The following KLF12 variants were observed in gnomAD, a reference collection of about 807,000 sequenced individuals.
The protein encoded by KLF12 is Krueppel-like factor 12.
Under a neutral mutation model 37.8 loss-of-function variants are expected in KLF12, and 9 were observed. The ratio of observed to expected loss-of-function variants is 0.24; its 90% CI spans 0.14 to 0.42. The LOEUF is 0.42. Ranked by LOEUF, KLF12 falls within the 10% of genes least tolerant of loss-of-function variation. KLF12 has a pLI of 1.00. For missense variants in KLF12, 411 were observed against 516.0 expected, an observed-to-expected ratio of 0.80 and a Z score of 1.97; for synonymous variants, 208 against 202.1, an observed-to-expected ratio of 1.03 and a Z score of -0.25.
intron 5 of KLF12, among the ~76,000 whole-genome samples, chr13:73,783,655 T>C (rs537689037): frequency 6.6e-6 from 1 of 152,306 alleles, no homozygotes; most frequent in Admixed American, 6.5e-5. Context: ...ATTTTACTAA[T>C]GTGAATTGCT....
the KLF12 span, among the ~76,000 whole-genome samples, chr13:74,192,544 G>A: frequency 3.5e-4 from 53 of 152,348 alleles, no homozygotes; most frequent in African/African-American, 1.3e-3. Context: ...TTCACATAGT[G>A]TGAGATGTGA....
At chr13:73,710,378 C>G (rs1359713684) in intron 7 of KLF12, among the ~76,000 whole-genome samples, 1 of 143,896 alleles carries the variant, frequency 6.9e-6, no homozygotes, top group African/African-American at 2.6e-5. Context: ...AAGATATTGT[C>G]TGTGTGTGTG....
At chr13:73,968,243 C>T (rs1296716860) in intron 2 of KLF12, among the ~76,000 whole-genome samples, 1 of 152,116 alleles carries the variant, frequency 6.6e-6, no homozygotes, top group Admixed American at 6.5e-5. Context: ...AATAAGTCAG[C>T]TAAATTTGCA....
the KLF12 span, among the ~76,000 whole-genome samples, chr13:74,145,215 T>G: frequency 1.4e-4 from 21 of 152,316 alleles, 2 homozygotes; most frequent in Admixed American, 1.2e-3. Context: ...GACCGTCGTA[T>G]CTTATGGAAC....
At chr13:74,125,402 C>T (rs1474409090) in intron 1 of KLF12, among the ~76,000 whole-genome samples, 2 of 152,128 alleles carry the variant, frequency 1.3e-5, no homozygotes, top group African/African-American at 4.8e-5. Flanking sequence ...TCTTACCCCA[C>T]CCTCCTTGAT....
chr13:73,904,469 CTTTTTTTTTTTT>C (rs11342071), intron 3 of KLF12, among the ~76,000 whole-genome samples: 1 of 91,996 alleles, frequency 1.1e-5, no homozygotes, highest in Admixed American at 1.2e-4. Context: ...TCTTTCTTTC[CTTTTTTTTTTTT>C]TTTTTTTTTT....
rs184250502 is a variant in KLF12, at chr13:73,742,287, G to T, written c.869+22651C>A. Among the ~76,000 whole-genome samples the T allele has an allele frequency of 2.1e-3, 321 of 152,274 alleles. 3 individuals carry two copies. The highest frequency in any genetic ancestry group is 0.013 in the South Asian group (65 of 4,826). ...TTTTTACTTAGGAAAGCAGAAAATT[G>T]TAAGAACTGAACCAAGTCTCTGAAA... On this transcript the variant is annotated intron_variant, in intron 6 of 7. Coordinates refer to ENST00000377669, the MANE Select transcript of KLF12 (RefSeq NM_007249.5).
the KLF12 span, among the ~76,000 whole-genome samples, chr13:74,198,254 C>T: frequency 1.3e-5 from 2 of 152,022 alleles, no homozygotes; most frequent in Non-Finnish European, 1.5e-5. Context: ...AGGCTAAAAC[C>T]CTGGGGTATG....
intron 7 of KLF12, among the ~76,000 whole-genome samples, chr13:73,697,612 G>A (rs1215324734): frequency 3.3e-5 from 5 of 152,134 alleles, no homozygotes; most frequent in Non-Finnish European, 7.4e-5. Context: ...TTTATACTAT[G>A]AGCATAGTTG....
intron 2 of KLF12, among the ~76,000 whole-genome samples, chr13:73,989,975 G>A (rs1157755321): frequency 2.5e-5 from 2 of 80,422 alleles, no homozygotes; most frequent in Non-Finnish European, 7.1e-5. Flanking sequence ...AAGTACAAGG[G>A]TTCACGTAAT....
Position 73,944,049 on chromosome 13 carries a change from T to C in KLF12, c.55A>G (p.Arg19Gly), listed in dbSNP as rs759947614. ...GGCATCCCATCAAGCATTAACATTCTGTTCTCAAAGGTGTTGATATTCTGA... is the reference window on the plus strand; with the variant it reads ...GGCATCCCATCAAGCATTAACATTCCGTTCTCAAAGGTGTTGATATTCTGA... The change falls in exon 3 of 8, where the codon AGA becomes GGA. Residue 19 changes from arginine (R) to glycine (G), a missense_variant. Physicochemically the swap from Arg to Gly is moderately radical, Grantham distance 125. Transcript: ENST00000377669. The C allele has an allele frequency of 6.2e-7, 1 of 1,611,032 alleles. No individual in the cohort carries two copies. Among genetic ancestry groups the C allele is most frequent in the South Asian group, 1.1e-5 (1 of 91,028 alleles).
At chr13:73,933,430 G>GT (rs1206329116) in intron 3 of KLF12, among the ~76,000 whole-genome samples, 3 of 151,858 alleles carry the variant, frequency 2.0e-5, no homozygotes, top group South Asian at 2.1e-4. Flanking sequence ...CTCTTGATAG[G>GT]TTTTTTTATA....
At chr13:73,906,674 T>C (rs1888314298) in intron 3 of KLF12, among the ~76,000 whole-genome samples, 1 of 152,228 alleles carries the variant, frequency 6.6e-6, no homozygotes, top group Non-Finnish European at 1.5e-5. Flanking sequence ...CTCAGTTTCA[T>C]TGCTTTGCCT....
intron 3 of KLF12, among the ~76,000 whole-genome samples, chr13:73,940,073 T>G (rs571409900): frequency 6.6e-6 from 1 of 152,156 alleles, no homozygotes; most frequent in Non-Finnish European, 1.5e-5. Flanking sequence ...TAAAATCACA[T>G]AGTATATCTC....
At chr13:74,153,348 A>G in the KLF12 span, among the ~76,000 whole-genome samples, 1 of 152,190 alleles carries the variant, frequency 6.6e-6, no homozygotes, top group Admixed American at 6.5e-5. Context: ...AAAGATGTCA[A>G]GGAGGGACTG....
the KLF12 span, among the ~76,000 whole-genome samples, chr13:74,265,854 A>G: frequency 6.6e-6 from 1 of 152,268 alleles, no homozygotes; most frequent in Non-Finnish European, 1.5e-5. Flanking sequence ...TTACTAAAAG[A>G]AAAACCAAGA....
chr13:73,866,677 C>A (rs1886192268), intron 3 of KLF12, among the ~76,000 whole-genome samples: 1 of 151,724 alleles, frequency 6.6e-6, no homozygotes, highest in Non-Finnish European at 1.5e-5. Flanking sequence ...GGCTAACAGA[C>A]CATGTAAAAA....
intron 6 of KLF12, among the ~76,000 whole-genome samples, chr13:73,760,629 T>C (rs1448229376): frequency 6.6e-6 from 1 of 152,160 alleles, no homozygotes; most frequent in Non-Finnish European, 1.5e-5. Context: ...GGCCAATGAT[T>C]ACTATTAATA....
At chr13:73,932,382 CTAGT>C (rs1889725533) in intron 3 of KLF12, among the ~76,000 whole-genome samples, 3 of 152,176 alleles carry the variant, frequency 2.0e-5, no homozygotes, top group Admixed American at 1.3e-4. Context: ...ATATGATCAC[CTAGT>C]AAGACATGAA....
Sources: allele counts gnomAD v4.1 joint callset (sites outside exome capture counted in the v4.1 genomes callset), GRCh38; gene constraint gnomAD v4.1.1; transcripts MANE v1.5; gene names NCBI Gene and HGNC (gene_info 2026-07-23, HGNC 2026-07-21).